Variants in NMT1 observed in about 807,000 individuals in gnomAD.
NMT1 encodes the protein glycylpeptide N-tetradecanoyltransferase 1.
A neutral mutation model predicts 63.4 loss-of-function variants in NMT1; 12 were observed. The observed-to-expected ratio is 0.19, with a 90% confidence interval of 0.12 to 0.31. NMT1 has a LOEUF of 0.31. NMT1 is among the 10% of genes least tolerant of loss of function. The probability of loss-of-function intolerance (pLI) is 1.00; values close to 1 mark genes in which losing one functional copy is unlikely to be tolerated. For synonymous variants in NMT1, 228 were observed against 234.3 expected, an observed-to-expected ratio of 0.97 and a Z score of 0.25; for missense variants, 432 against 634.6, an observed-to-expected ratio of 0.68 and a Z score of 3.43.
chr17:45,098,722 G>A, intron 7 of NMT1, 170 bp downstream of exon 7: 1 of 618,626 alleles, frequency 1.6e-6, no homozygotes, highest in East Asian at 2.8e-5. Context: ...GGAGAGGGCG[G>A]GAGGGTTGTA....
chr17:45,098,267 A>G, intron 6 of NMT1, 115 bp from the exon 7 acceptor site: 1 of 960,574 alleles, frequency 1.0e-6, no homozygotes, highest in Non-Finnish European at 1.6e-6. Context: ...GTGGCAGCTA[A>G]AAGTACACCC....
At chr17:45,089,793 A>G (rs2054076757) in intron 3 of NMT1, among the ~76,000 whole-genome samples, 1 of 151,834 alleles carries the variant, frequency 6.6e-6, no homozygotes, top group African/African-American at 2.4e-5. Context: ...TGCCTGCCAC[A>G]TGCCTGGCTA....
chr17:45,097,279 A>C, intron 6 of NMT1, 35 bp downstream of exon 6: 13 of 1,410,474 alleles, frequency 9.2e-6, no homozygotes, highest in Non-Finnish European at 1.3e-5. Flanking sequence ...CCCCCACAAC[A>C]CCGCCATCCT....
intron 1 of NMT1, among the ~76,000 whole-genome samples, chr17:45,066,096 C>G (rs767117719): frequency 6.6e-6 from 1 of 152,056 alleles, no homozygotes; most frequent in African/African-American, 2.4e-5. Flanking sequence ...TTCTGTTGCC[C>G]GGGCTGGAGT....
intron 3 of NMT1, among the ~76,000 whole-genome samples, chr17:45,090,637 C>T (rs977084361): frequency 6.6e-6 from 1 of 152,138 alleles, no homozygotes; most frequent in South Asian, 2.1e-4. Context: ...CTCATTTCTC[C>T]GAAGTCCTTC....
In NMT1 at chr17:45,104,548, A is replaced by C; in HGVS notation, c.1333-311A>C. On this transcript the variant is annotated intron_variant, in intron 10 of 11. Coordinates refer to ENST00000258960, the MANE Select transcript of NMT1 (RefSeq NM_021079.5). This position sits in a 1 kb window ranked among gnomAD's most constrained non-coding sequence, Gnocchi z 4.2. ...GGAATGGGCTCAGGGTTTGGACTCCAGAGAGGACTGTGGAAATTACTAGAG... is the reference window on the plus strand; with the variant it reads ...GGAATGGGCTCAGGGTTTGGACTCCCGAGAGGACTGTGGAAATTACTAGAG... 8.5e-7 allele frequency: 1 copy of C among 1,171,716 alleles called. No individual in the cohort carries two copies. Among genetic ancestry groups the C allele is most frequent in the Non-Finnish European group, 1.1e-6 (1 of 942,628 alleles). 72.6% of individuals were successfully genotyped at this position (1,171,716 alleles called of 1,614,324 possible).
intron 1 of NMT1, among the ~76,000 whole-genome samples, chr17:45,072,740 T>C (rs756051897): frequency 6.7e-6 from 1 of 150,078 alleles, no homozygotes; most frequent in Admixed American, 6.7e-5. Context: ...TTTGCGTTTT[T>C]AGTAGAGACG....
intron 5 of NMT1, among the ~76,000 whole-genome samples, chr17:45,096,674 G>A (rs561191588): frequency 5.0e-4 from 76 of 152,314 alleles, no homozygotes; most frequent in Non-Finnish European, 8.8e-4. Context: ...CCCAGGCCAC[G>A]TTTAATATCC....
At chr17:45,068,899 G>A (rs1037948292) in intron 1 of NMT1, among the ~76,000 whole-genome samples, 1 of 151,844 alleles carries the variant, frequency 6.6e-6, no homozygotes, top group Non-Finnish European at 1.5e-5. Context: ...CACCTGCCTT[G>A]GCCTCCCAAA....
In NMT1 at chr17:45,061,353, A is replaced by G. The variant is rs1253429311; in HGVS notation, c.24A>G (p.Ala8=). 7 of 1,613,982 alleles carry G rather than the reference A, an allele frequency of 4.3e-6. No homozygotes were observed. Among genetic ancestry groups the G allele is most frequent in the South Asian group, 3.3e-5 (3 of 91,058 alleles). MADESET[A]VKPPAPPLPQ... ...AGATGGCGGACGAGAGTGAGACAGCAGTGAAGCCGCCGGCACCTCCGCTGC... is the reference window on the plus strand; with the variant it reads ...AGATGGCGGACGAGAGTGAGACAGCGGTGAAGCCGCCGGCACCTCCGCTGC... The change falls in exon 1 of 12, where the codon GCA becomes GCG. Residue 8 remains alanine (A), a synonymous_variant. Transcript: ENST00000258960.
rs368954360 is a variant in NMT1, at chr17:45,080,636, T to G, written c.132-1008T>G. On this transcript the variant is annotated intron_variant, in intron 1 of 11. Transcript: ENST00000258960. ...GGCGCCCGCCACCGTGCCCGGCTAA[T>G]TTTTTTGTATTTTTAGTAGAGATGG... is the stretch of plus-strand genomic sequence containing the variant. Among the ~76,000 whole-genome samples the G allele has an allele frequency of 3.4e-4, 51 of 149,176 alleles. No homozygotes were observed. The East Asian group carries it at 6.8e-3, about 20-fold the overall frequency.
intron 1 of NMT1, among the ~76,000 whole-genome samples, chr17:45,080,184 G>T (rs2054006545): frequency 2.6e-5 from 4 of 151,226 alleles, no homozygotes; most frequent in African/African-American, 9.8e-5. Context: ...TTTTGAGACG[G>T]AGTTTCGCTC....
chr17:45,093,054 G>A (rs2239920), intron 3 of NMT1, among the ~76,000 whole-genome samples: 60,175 of 152,102 alleles, frequency 0.4, 12,569 homozygotes, highest in Non-Finnish European at 0.44. Flanking sequence ...GGCCTATCCT[G>A]CTCAGGGAGG....
chr17:45,074,209 A>G (rs1287655123), intron 1 of NMT1, among the ~76,000 whole-genome samples: 4 of 141,524 alleles, frequency 2.8e-5, no homozygotes, highest in African/African-American at 1.1e-4. Context: ...GTCTTCATTA[A>G]AAGATGACTT....
chr17:45,101,299 T>C (rs1296737060), intron 8 of NMT1, among the ~76,000 whole-genome samples: 3 of 149,036 alleles, frequency 2.0e-5, no homozygotes, highest in Admixed American at 1.3e-4. Flanking sequence ...ATTACAGGCA[T>C]GAGCCACTGT....
At chr17:45,098,920 T>A (rs758994602) in intron 7 of NMT1, 1 of 253,990 alleles carries the variant, frequency 3.9e-6, no homozygotes, top group African/African-American at 2.2e-5. Flanking sequence ...TTTTGAATAT[T>A]GTGTGCACCA....
chr17:45,069,737 T>C (rs1326492086), intron 1 of NMT1, among the ~76,000 whole-genome samples: 3 of 152,212 alleles, frequency 2.0e-5, no homozygotes, highest in Non-Finnish European at 4.4e-5. Flanking sequence ...GTGTGAATCC[T>C]ATCTTTGGCT....
intron 1 of NMT1, among the ~76,000 whole-genome samples, chr17:45,074,022 C>T (rs902062602): frequency 6.6e-6 from 1 of 152,114 alleles, no homozygotes; most frequent in African/African-American, 2.4e-5. Flanking sequence ...AGAAGTTCCT[C>T]TTCTCCTGCT....
chr17:45,088,041 G>A (rs2054065691), intron 3 of NMT1, among the ~76,000 whole-genome samples: 1 of 152,254 alleles, frequency 6.6e-6, no homozygotes. Flanking sequence ...TAGAGCGGAT[G>A]CAGTTCTTAG....
Sources: allele counts gnomAD v4.1 joint callset (sites outside exome capture counted in the v4.1 genomes callset), GRCh38; gene constraint gnomAD v4.1.1; non-coding constraint Gnocchi (gnomAD v3.1); transcripts MANE v1.5; gene names NCBI Gene and HGNC (gene_info 2026-07-23, HGNC 2026-07-21).